The following FREM3 variants were observed in gnomAD, a reference collection of about 807,000 sequenced individuals.
FREM3 encodes FRAS1 related extracellular matrix 3.
A neutral mutation model predicts 129.1 loss-of-function variants in FREM3; 105 were observed. The observed-to-expected ratio is 0.81, with a 90% CI of 0.69 to 0.96. The LOEUF is 0.96. Among genes scored for constraint, FREM3 ranks in the 40% least tolerant of loss-of-function variants. The probability of loss-of-function intolerance (pLI) is 0.00; values close to 1 mark genes in which losing one functional copy is unlikely to be tolerated. For synonymous variants in FREM3, 1,014 were observed against 1,044.9 expected (o/e 0.97, Z 0.57); for missense variants, 2,593 against 2,666.3 (o/e 0.97, Z 0.61).
At chr4:143,639,294 T>A (rs1053364936) in intron 2 of FREM3, among the ~76,000 whole-genome samples, 4 of 152,120 alleles carry the variant, frequency 2.6e-5, no homozygotes, top group African/African-American at 9.7e-5. Flanking sequence ...AAATTTCAAA[T>A]AGTTCAACTT....
chr4:143,598,467 A>T (rs975809178), intron 6 of FREM3, among the ~76,000 whole-genome samples: 1 of 152,060 alleles, frequency 6.6e-6, no homozygotes, highest in Non-Finnish European at 1.5e-5. Flanking sequence ...ATAGTATGTG[A>T]GATTGTTAGT....
chr4:143,585,947 A>G lies in FREM3; in HGVS notation c.6075T>C (p.Ser2025=). 6.5e-7 allele frequency: 1 copy of G among 1,537,632 alleles called. No individual in the cohort carries two copies. Among genetic ancestry groups the G allele is most frequent in the East Asian group, 2.4e-5 (1 of 40,918 alleles). Residue 2025 remains serine, a synonymous_variant, in exon 7 of 8, where the codon AGT becomes AGC. Coordinates refer to ENST00000329798, the MANE Select transcript of FREM3 (RefSeq NM_001168235.2). The surrounding 1 kb of genome is among the most constrained non-coding windows in gnomAD (Gnocchi z 4.2). ...FGDAEYHVNE[S]ARYVEVCVWR... ...AAACACAAACCTCCACGTAGCGAGC[A>G]CTTTCATTGACGTGATATTCAGCAT...
chr4:143,623,051 T>C (rs1355090547), intron 4 of FREM3, among the ~76,000 whole-genome samples: 1 of 152,228 alleles, frequency 6.6e-6, no homozygotes, highest in Non-Finnish European at 1.5e-5. Flanking sequence ...GCAGAGCATA[T>C]GAACACTACT....
chr4:143,652,925 G>C (rs2149849380), intron 2 of FREM3, among the ~76,000 whole-genome samples: 1 of 152,286 alleles, frequency 6.6e-6, no homozygotes, highest in Non-Finnish European at 1.5e-5. Flanking sequence ...CACCACACCT[G>C]GGCCTTTTCT....
chr4:143,661,967 G>T (rs1457029284), intron 2 of FREM3, among the ~76,000 whole-genome samples: 1 of 151,834 alleles, frequency 6.6e-6, no homozygotes, highest in Non-Finnish European at 1.5e-5. Context: ...GCATCTATTT[G>T]ATTCTTCTCT....
intron 7 of FREM3, among the ~76,000 whole-genome samples, chr4:143,584,395 G>A (rs372945676): frequency 0.01 from 1,366 of 135,266 alleles, 26 homozygotes; most frequent in African/African-American, 0.037. Context: ...CGGCCTGGGC[G>A]ACAGAGCGAG....
chr4:143,693,032 A>G, intron 2 of FREM3, 81 bp downstream of exon 2: 2 of 633,506 alleles, frequency 3.2e-6, no homozygotes. Context: ...ATACTTGCCC[A>G]GAAATGATTT....
chr4:143,672,086 A>G (rs1393489272), intron 2 of FREM3, among the ~76,000 whole-genome samples: 1 of 152,228 alleles, frequency 6.6e-6, no homozygotes, highest in Non-Finnish European at 1.5e-5. Context: ...CTAGCGAGCT[A>G]GAAATGTGTA....
At chr4:143,610,612 T>G (rs1182502981) in intron 6 of FREM3, among the ~76,000 whole-genome samples, 1 of 152,008 alleles carries the variant, frequency 6.6e-6, no homozygotes, top group Non-Finnish European at 1.5e-5. Context: ...AATTTGAGAG[T>G]AGTAATAAAA....
At chr4:143,597,013 A>G (rs1297161870) in intron 6 of FREM3, among the ~76,000 whole-genome samples, 2 of 152,286 alleles carry the variant, frequency 1.3e-5, no homozygotes, top group Non-Finnish European at 2.9e-5. Context: ...TTAATCCTAT[A>G]TTAGATGGTA....
intron 7 of FREM3, among the ~76,000 whole-genome samples, chr4:143,580,041 C>G (rs890985880): frequency 1.3e-5 from 2 of 152,148 alleles, no homozygotes; most frequent in African/African-American, 4.8e-5. Flanking sequence ...GGTTTATTCA[C>G]TCTTGGTTTC....
intron 2 of FREM3, among the ~76,000 whole-genome samples, chr4:143,648,173 G>A (rs989822030): frequency 3.9e-5 from 6 of 152,174 alleles, no homozygotes; most frequent in African/African-American, 1.4e-4. Flanking sequence ...CCTTTGTTTT[G>A]ACCAGTTTCT....
rs34321854 is a variant in FREM3 at position 143,659,089 on chromosome 4, T to TTTATTA, written c.5276-31335_5276-31330dup. Among the ~76,000 whole-genome samples, 219 of 141,504 alleles carry TTTATTA rather than the reference T, an allele frequency of 1.5e-3. 2 individuals carry two copies. The highest frequency in any genetic ancestry group is 6.5e-3 in the South Asian group (29 of 4,456). The allele number at this position is 141,504 out of a possible 152,430, so 92.8% of individuals were successfully genotyped here. On this transcript the variant is annotated intron_variant, in intron 2 of 7. Transcript: ENST00000329798. ...TTCTTTATTTTATTTATTATTTTTA[T>TTTATTA]TTATTATTATTATTATTATTATTAT...
At chr4:143,614,733 G>A (rs1738815508) in intron 5 of FREM3, among the ~76,000 whole-genome samples, 1 of 152,218 alleles carries the variant, frequency 6.6e-6, no homozygotes, top group Admixed American at 6.5e-5. Flanking sequence ...GCATGGTGAT[G>A]TGCTCTCCAA....
intron 6 of FREM3, among the ~76,000 whole-genome samples, chr4:143,605,515 T>C (rs1738653462): frequency 6.6e-6 from 1 of 152,176 alleles, no homozygotes; most frequent in Non-Finnish European, 1.5e-5. Context: ...TACTTAGTGT[T>C]ATTCTATTGT....
chr4:143,692,932 G>A (rs185237963), intron 2 of FREM3, among the ~76,000 whole-genome samples, 181 bp downstream of exon 2: 2 of 152,120 alleles, frequency 1.3e-5, no homozygotes, highest in Admixed American at 1.3e-4. Flanking sequence ...ATCAAGAATC[G>A]TTTGGCACAG....
intron 6 of FREM3, among the ~76,000 whole-genome samples, chr4:143,599,531 A>G (rs530672774): frequency 2.2e-4 from 34 of 152,256 alleles, no homozygotes; most frequent in African/African-American, 7.9e-4. Context: ...TGTCATCCTT[A>G]TAATTTATTG....
At chr4:143,578,291 C>G (rs1738074759) in intron 7 of FREM3, among the ~76,000 whole-genome samples, 1 of 152,068 alleles carries the variant, frequency 6.6e-6, no homozygotes, top group Non-Finnish European at 1.5e-5. Flanking sequence ...ACACTCTGCT[C>G]AATTTTATGA....
At chr4:143,645,479 C>T (rs1361926098) in intron 2 of FREM3, among the ~76,000 whole-genome samples, 2 of 152,188 alleles carry the variant, frequency 1.3e-5, no homozygotes, top group Non-Finnish European at 2.9e-5. Context: ...AAGCAGATTA[C>T]CCTCCATAAT....
Sources: gnomAD v4.1 joint callset for allele counts (sites outside exome capture counted in the v4.1 genomes callset) on GRCh38, gnomAD v4.1.1 for gene constraint, Gnocchi (gnomAD v3.1) non-coding constraint, MANE v1.5 for transcripts, NCBI Gene and HGNC (gene_info 2026-07-23, HGNC 2026-07-21) for gene names.